Variants in KMT2C observed in about 807,000 individuals in gnomAD.
KMT2C encodes lysine methyltransferase 2C.
A neutral mutation model predicts 507.9 loss-of-function variants in KMT2C; 88 were observed. That is an observed-to-expected ratio of 0.17 (90% CI 0.15 to 0.21). The LOEUF (loss-of-function observed/expected upper bound fraction) is 0.21. Ranked by LOEUF, KMT2C falls within the 10% of genes least tolerant of loss-of-function variation. The pLI, the probability that KMT2C is intolerant of heterozygous loss-of-function variation, is 1.00. For synonymous variants in KMT2C, 2,049 were observed against 2,080.8 expected, an observed-to-expected ratio of 0.98 and a Z score of 0.42; for missense variants, 4,954 against 5,957.8, an observed-to-expected ratio of 0.83 and a Z score of 5.55.
At position 152,194,117 on chromosome 7, in the gene KMT2C, T is replaced by C. The variant is rs771233371; in HGVS notation, c.4552A>G (p.Lys1518Glu). The C allele has an allele frequency of 6.3e-7, 1 of 1,576,252 alleles. No homozygotes were observed. Among genetic ancestry groups the C allele is most frequent in the Admixed American group, 2.0e-5 (1 of 49,960 alleles). Residue 1518 changes from lysine to glutamate, a missense_variant, in exon 31 of 59, where the codon AAA (lysine) becomes GAA (glutamate). Transcript: ENST00000262189. ...KLYKIPELGG[K>E]DVEDLFTAVL... The stretch of plus-strand genomic sequence containing the variant: ...GCTGTAAATAAGTCTTCAACATCTT[T>C]TCCGCCAAGCTCTAGGAGATAAAAC...
chr7:152,275,104 T>C, intron 6 of KMT2C, among the ~76,000 whole-genome samples: 1 of 152,214 alleles, frequency 6.6e-6, no homozygotes, highest in East Asian at 1.9e-4. Flanking sequence ...GTAGTTAAAA[T>C]TATAATTGTT....
rs1196390512 is a variant in KMT2C at position 152,263,067 on chromosome 7, A to G, written c.1248T>C (p.Phe416=). 3.7e-6 allele frequency: 6 copies of G among 1,612,986 alleles called. No homozygotes were observed. Among genetic ancestry groups the G allele is most frequent in the Middle Eastern group, 1.9e-4 (1 of 5,290 alleles). The change falls in exon 9 of 59, where the codon TTT becomes TTC. Residue 416 remains phenylalanine (F), a synonymous_variant. Coordinates refer to ENST00000262189, the MANE Select transcript of KMT2C (RefSeq NM_170606.3). ...CDTCDKGYHT[F]CLQPVMKSVP... ...CTGATTTCATAACTGGTTGAAGACAAAAAGTATGATACCCTTTGTCACACG... is the reference window on the plus strand; with the variant it reads ...CTGATTTCATAACTGGTTGAAGACAGAAAGTATGATACCCTTTGTCACACG...
At chr7:152,298,978 T>C (rs1216120287) in intron 6 of KMT2C, among the ~76,000 whole-genome samples, 1 of 152,126 alleles carries the variant, frequency 6.6e-6, no homozygotes, top group African/African-American at 2.4e-5. Context: ...ACAAAAATAA[T>C]TTTTAAAAAC....
Position 152,248,460 on chromosome 7 carries a change from G to T in KMT2C, c.1974C>A (p.His658Gln), listed in dbSNP as rs1475319765. 4 of 1,614,014 alleles carry T rather than the reference G, an allele frequency of 2.5e-6. No homozygotes were observed. The highest frequency in any genetic ancestry group is 2.5e-6 in the Non-Finnish European group (3 of 1,179,984). Residue 658 changes from histidine (H) to glutamine (Q), a missense_variant, in exon 14 of 59, where the codon CAC (histidine) becomes CAA (glutamine). His to Gln is a conservative substitution (Grantham distance 24). Coordinates refer to ENST00000262189, the MANE Select transcript of KMT2C (RefSeq NM_170606.3). ...EVTENIEVVT[H>Q]QITVQQEQLQ... ...GTTGTTCTTGCTGCACAGTGATCTG[G>T]TGTGTAACGACTTCAATGTTTTCTG...
At chr7:152,435,035 G>A (rs1290539630) in intron 1 of KMT2C, among the ~76,000 whole-genome samples, 1 of 152,124 alleles carries the variant, frequency 6.6e-6, no homozygotes, top group Non-Finnish European at 1.5e-5. Flanking sequence ...GGAGGAAGAA[G>A]TCAAATGGCT....
intron 2 of KMT2C, among the ~76,000 whole-genome samples, chr7:152,332,781 G>C (rs530220141): frequency 9.2e-5 from 14 of 151,648 alleles, no homozygotes; most frequent in Non-Finnish European, 1.5e-4. Context: ...CTGGGAGATG[G>C]AAGTTGCAGT....
intron 1 of KMT2C, among the ~76,000 whole-genome samples, chr7:152,417,234 AC>A (rs1257792629): frequency 6.6e-6 from 1 of 152,000 alleles, no homozygotes; most frequent in Non-Finnish European, 1.5e-5. Flanking sequence ...CTCTCCTGCC[AC>A]AGCCTCCCAA....
intron 6 of KMT2C, among the ~76,000 whole-genome samples, chr7:152,286,129 TA>T (rs2096292694): frequency 6.6e-6 from 1 of 152,238 alleles, no homozygotes; most frequent in Non-Finnish European, 1.5e-5. Flanking sequence ...GAACTAAAAG[TA>T]AAAACACTGG....
chr7:152,297,102 A>T (rs1028874427), intron 6 of KMT2C, among the ~76,000 whole-genome samples: 1 of 152,002 alleles, frequency 6.6e-6, no homozygotes, highest in Non-Finnish European at 1.5e-5. Flanking sequence ...AGAAAGAAAG[A>T]AAGACGTGAA....
chr7:152,375,637 C>T (rs1468042148), intron 1 of KMT2C, among the ~76,000 whole-genome samples: 2 of 152,152 alleles, frequency 1.3e-5, no homozygotes, highest in Non-Finnish European at 2.9e-5. Context: ...CCACCCGCCT[C>T]AGCCTCCCAA....
intron 14 of KMT2C, among the ~76,000 whole-genome samples, chr7:152,239,800 T>G (rs4726139): frequency 1.3e-5 from 2 of 152,134 alleles, no homozygotes; most frequent in Admixed American, 1.3e-4. Context: ...TTTTACCAAT[T>G]AAGTAACCAA....
At chr7:152,319,683 C>G (rs1486904966) in intron 3 of KMT2C, among the ~76,000 whole-genome samples, 1 of 152,138 alleles carries the variant, frequency 6.6e-6, no homozygotes, top group South Asian at 2.1e-4. Context: ...CCTGTGATGC[C>G]GTGCTGCAGT....
chr7:152,307,389 G>A (rs1013033685), intron 6 of KMT2C, among the ~76,000 whole-genome samples: 8 of 149,906 alleles, frequency 5.3e-5, no homozygotes, highest in African/African-American at 2.0e-4. Flanking sequence ...AAGGAGGGAG[G>A]AAGGGAGGGG....
At chr7:152,430,994 A>G (rs1386900895) in intron 1 of KMT2C, among the ~76,000 whole-genome samples, 2 of 152,190 alleles carry the variant, frequency 1.3e-5, no homozygotes, top group South Asian at 2.1e-4. Context: ...GAAACTTTGC[A>G]GTTTTGCGGA....
chr7:152,232,656 AT>A (rs376138093), intron 16 of KMT2C, among the ~76,000 whole-genome samples: 3 of 151,994 alleles, frequency 2.0e-5, no homozygotes, highest in Non-Finnish European at 2.9e-5. Flanking sequence ...TAATGCTTTA[AT>A]TTTTTTTAAT....
intron 1 of KMT2C, among the ~76,000 whole-genome samples, chr7:152,395,721 T>A (rs1401620681): frequency 6.6e-6 from 1 of 152,274 alleles, no homozygotes. Flanking sequence ...TTGGCCAGGC[T>A]GGTCTCAAAC....
intron 23 of KMT2C, among the ~76,000 whole-genome samples, chr7:152,212,046 G>A (rs112568802): frequency 2.0e-5 from 3 of 151,872 alleles, no homozygotes; most frequent in African/African-American, 7.3e-5. Flanking sequence ...AGACTCCATC[G>A]AAAGAAACGA....
At chr7:152,340,592 T>C (rs1175066708) in intron 2 of KMT2C, among the ~76,000 whole-genome samples, 4 of 152,158 alleles carry the variant, frequency 2.6e-5, no homozygotes, top group Non-Finnish European at 5.9e-5. Flanking sequence ...CTACTTAAAA[T>C]ATTGACACTG....
chr7:152,288,244 A>C (rs1009494568), intron 6 of KMT2C, among the ~76,000 whole-genome samples: 1 of 150,386 alleles, frequency 6.6e-6, no homozygotes, highest in Non-Finnish European at 1.5e-5. Flanking sequence ...AAAAAAAAAA[A>C]AAAAAGTGGC....
Sources: gnomAD v4.1 joint callset for allele counts (sites outside exome capture counted in the v4.1 genomes callset) on GRCh38, gnomAD v4.1.1 for gene constraint, MANE v1.5 for transcripts, NCBI Gene and HGNC (gene_info 2026-07-23, HGNC 2026-07-21) for gene names.